The following SLC25A31 variants were observed in gnomAD, a reference collection of about 807,000 sequenced individuals.
The protein encoded by SLC25A31 is ADP/ATP translocase 4.
SLC25A31 carries 40 observed loss-of-function variants against 36.2 expected under a neutral mutation model. That is an observed-to-expected ratio of 1.10 (90% CI 0.86 to 1.44). SLC25A31 has a LOEUF of 1.44. Among genes scored for constraint, SLC25A31 ranks in the 40% most tolerant of loss-of-function variants. SLC25A31 has a pLI of 0.00. For missense variants in SLC25A31, 350 were observed against 397.1 expected (o/e 0.88, Z 1.01); for synonymous variants, 143 against 149.7 (o/e 0.96, Z 0.32).
At chr4:127,748,997 G>A (rs1341797915) in intron 2 of SLC25A31, among the ~76,000 whole-genome samples, 1 of 151,510 alleles carries the variant, frequency 6.6e-6, no homozygotes, top group African/African-American at 2.4e-5. Flanking sequence ...CTTAATGCAA[G>A]ATAGACAACT....
intron 2 of SLC25A31, among the ~76,000 whole-genome samples, chr4:127,758,965 G>A (rs565470660): frequency 2.6e-5 from 4 of 152,002 alleles, no homozygotes; most frequent in African/African-American, 4.8e-5. Context: ...CTCTCTTTTT[G>A]GTTCCATATG....
At chr4:127,765,284 A>G (rs1439806212) in intron 3 of SLC25A31, among the ~76,000 whole-genome samples, 1 of 152,156 alleles carries the variant, frequency 6.6e-6, no homozygotes, top group African/African-American at 2.4e-5. Context: ...TTCTGAGGTT[A>G]TTGTGATCAA....
At chr4:127,749,360 C>T (rs900451419) in intron 2 of SLC25A31, among the ~76,000 whole-genome samples, 1 of 152,100 alleles carries the variant, frequency 6.6e-6, no homozygotes, top group South Asian at 2.1e-4. Flanking sequence ...AAAATATTGT[C>T]TGAAAATTTC....
At chr4:127,763,355 C>CT (rs1732178554) in intron 2 of SLC25A31, among the ~76,000 whole-genome samples, 1 of 152,152 alleles carries the variant, frequency 6.6e-6, no homozygotes, top group African/African-American at 2.4e-5. Flanking sequence ...CTGTCTGACA[C>CT]TTTATTGTTA....
At chr4:127,740,470 C>T (rs1291212884) in intron 1 of SLC25A31, among the ~76,000 whole-genome samples, 1 of 152,174 alleles carries the variant, frequency 6.6e-6, no homozygotes, top group Non-Finnish European at 1.5e-5. Context: ...CAGTAGATAG[C>T]ATGTACAGCT....
chr4:127,748,135 C>T lies in SLC25A31; in HGVS notation c.360+3336C>T, dbSNP rs148262751. Among the ~76,000 whole-genome samples, 229 of 152,284 alleles carry T rather than the reference C, an allele frequency of 1.5e-3. 1 individual carries two copies. The highest frequency in any genetic ancestry group is 5.4e-3 in the African/African-American group (225 of 41,548). ...CAGTTTCTGGTCCCCTTCCAGAGAT[C>T]AAACTCATACAGCTTAGTCCAAAAC... On this transcript the variant is annotated intron_variant, in intron 2 of 5. Transcript: ENST00000281154.
chr4:127,750,111 T>A (rs1243365336), intron 2 of SLC25A31, among the ~76,000 whole-genome samples: 2 of 150,846 alleles, frequency 1.3e-5, no homozygotes, highest in African/African-American at 2.4e-5. Context: ...TGAAAGAGAG[T>A]TAAAGACACA....
chr4:127,731,876 AAC>A (rs899259345), intron 1 of SLC25A31, among the ~76,000 whole-genome samples: 5 of 152,168 alleles, frequency 3.3e-5, no homozygotes, highest in Non-Finnish European at 7.3e-5. Flanking sequence ...ATTCATAACA[AAC>A]ACAATATATA....
intron 1 of SLC25A31, among the ~76,000 whole-genome samples, chr4:127,732,898 A>G (rs1260564831): frequency 6.6e-6 from 1 of 152,172 alleles, no homozygotes; most frequent in Non-Finnish European, 1.5e-5. Context: ...GTATAATCCT[A>G]CTTTACAATG....
chr4:127,761,135 T>C (rs1362358814), intron 2 of SLC25A31, among the ~76,000 whole-genome samples: 2 of 152,182 alleles, frequency 1.3e-5, no homozygotes, highest in African/African-American at 4.8e-5. Context: ...TCTCCCTCTA[T>C]TTCTGTCCTT....
Position 127,737,841 on chromosome 4 carries a change from G to C in SLC25A31, c.233-6831G>C, listed in dbSNP as rs551077350. Among the ~76,000 whole-genome samples, 9 of 152,082 alleles carry C rather than the reference G, an allele frequency of 5.9e-5. No individual in the cohort carries two copies. The South Asian group carries it at 1.9e-3, about 32-fold the overall frequency. ...TCCAAGCCATTGGGATTACAGGCAT[G>C]AGCCACCATGCCTGGCTTGTGCTAT... On this transcript the variant is annotated intron_variant, in intron 1 of 5. Transcript: ENST00000281154.
intron 3 of SLC25A31, among the ~76,000 whole-genome samples, chr4:127,766,860 G>A (rs1376546336): frequency 6.6e-6 from 1 of 152,184 alleles, no homozygotes; most frequent in Non-Finnish European, 1.5e-5. Context: ...TTTCATGAGA[G>A]ATTAATATTT....
chr4:127,767,640 A>T (rs897485240), intron 4 of SLC25A31, among the ~76,000 whole-genome samples: 3 of 151,652 alleles, frequency 2.0e-5, no homozygotes, highest in African/African-American at 7.3e-5. Context: ...AATTAAATAA[A>T]TGCTACTGTA....
intron 1 of SLC25A31, 34 bp downstream of exon 1, chr4:127,730,811 C>T (rs772440369): frequency 1.9e-6 from 3 of 1,570,652 alleles, no homozygotes; most frequent in Non-Finnish European, 1.7e-6. Context: ...ACAGCCTCTC[C>T]CGGCGCCCTC....
Position 127,773,704 on chromosome 4 carries a change from A to G in SLC25A31, c.*130A>G, listed in dbSNP as rs974687763. On this transcript the variant is annotated 3_prime_UTR_variant, in exon 6 of 6. Coordinates refer to ENST00000281154, the MANE Select transcript of SLC25A31 (RefSeq NM_031291.4). ...TAAAGTGCTAGTTCTGCAATAAAGC[A>G]TACATTTTTTCAAGAATTTAAATAC... 3.0e-5 allele frequency: 20 copies of G among 671,626 alleles called. No homozygotes were observed. Among genetic ancestry groups the G allele is most frequent in the South Asian group, 4.4e-5 (1 of 22,816 alleles). The allele number at this position is 671,626 out of a possible 1,614,324, so 41.6% of individuals were successfully genotyped here.
At chr4:127,745,122 CAGAA>C (rs1379971918) in intron 2 of SLC25A31, among the ~76,000 whole-genome samples, 6 of 151,986 alleles carry the variant, frequency 3.9e-5, no homozygotes, top group African/African-American at 1.4e-4. Flanking sequence ...ATTTTAAGCG[CAGAA>C]AGAAATCAAC....
At chr4:127,768,122 A>C (rs1732280578) in intron 4 of SLC25A31, among the ~76,000 whole-genome samples, 1 of 151,806 alleles carries the variant, frequency 6.6e-6, no homozygotes, top group Non-Finnish European at 1.5e-5. Flanking sequence ...GAAGCAATGA[A>C]ATTAATATCA....
chr4:127,745,351 C>G (rs1731806783), intron 2 of SLC25A31, among the ~76,000 whole-genome samples: 1 of 151,434 alleles, frequency 6.6e-6, no homozygotes, highest in South Asian at 2.1e-4. Flanking sequence ...TACAAAATCT[C>G]AATTTCAAAA....
intron 2 of SLC25A31, among the ~76,000 whole-genome samples, chr4:127,748,171 G>A (rs1049099733): frequency 6.6e-6 from 1 of 152,148 alleles, no homozygotes; most frequent in Admixed American, 6.5e-5. Flanking sequence ...CTCAGGCATA[G>A]ACAAACAGGT....
Sources: gnomAD v4.1 joint callset for allele counts (sites outside exome capture counted in the v4.1 genomes callset) on GRCh38, gnomAD v4.1.1 for gene constraint, MANE v1.5 for transcripts, NCBI Gene and HGNC (gene_info 2026-07-23, HGNC 2026-07-21) for gene names.